Variants in ATAD2 observed in about 807,000 individuals in gnomAD.
The protein encoded by ATAD2 is ATPase family AAA domain containing 2, also known as ATPase family AAA domain-containing protein 2.
ATAD2 carries 62 observed loss-of-function variants against 168.9 expected under a neutral mutation model. The ratio of observed to expected loss-of-function variants is 0.37; its 90% CI spans 0.30 to 0.45. The LOEUF (loss-of-function observed/expected upper bound fraction) is 0.45, where lower values mean the gene tolerates loss of function less well. Among genes scored for constraint, ATAD2 ranks in the 20% least tolerant of loss-of-function variants. The pLI is 1.00. For missense variants in ATAD2, 1,419 were observed against 1,667.8 expected (o/e 0.85, Z 2.60); for synonymous variants, 613 against 571.6 (o/e 1.07, Z -1.03).
At chr8:123,398,208 T>G (rs921728881), upstream of ATAD2, among the ~76,000 whole-genome samples, 2 of 151,820 alleles carry the variant, frequency 1.3e-5, no homozygotes, top group African/African-American at 2.4e-5. Context: ...TGCTTTTTTT[T>G]TGAGAGAGGT....
At chr8:123,398,848 T>C (rs1004556452), upstream of ATAD2, among the ~76,000 whole-genome samples, 3 of 152,052 alleles carry the variant, frequency 2.0e-5, no homozygotes, top group African/African-American at 4.8e-5. Context: ...ACTTTTACAA[T>C]AGAAAAAAAC....
rs1300859968 is a variant in ATAD2 at position 123,329,538 on chromosome 8, G to A, written c.3479-959C>T. Among the ~76,000 whole-genome samples the A allele has an allele frequency of 5.9e-5, 9 of 151,964 alleles. 1 individual carries two copies. The highest frequency in any genetic ancestry group is 3.9e-4 in the East Asian group (2 of 5,160). ...AGCACTTTGGGAGGCTGAGGCGGGC[G>A]GATCACGAGGTCAGGTGATCGAGAC... On this transcript the variant is annotated intron_variant, in intron 24 of 27. Transcript: ENST00000287394.
chr8:123,343,087 C>T (rs1261040600), intron 19 of ATAD2, among the ~76,000 whole-genome samples: 8 of 151,724 alleles, frequency 5.3e-5, no homozygotes, highest in East Asian at 1.9e-4. Context: ...CGGGTTCAAG[C>T]GATTCTCCCA....
chr8:123,405,925 A>G (rs1813063077), intron 1 of ATAD2, among the ~76,000 whole-genome samples: 2 of 152,236 alleles, frequency 1.3e-5, no homozygotes, highest in South Asian at 4.1e-4. Context: ...TAGGTCAAAA[A>G]CTATGTACAA....
At position 123,337,800 on chromosome 8, in the gene ATAD2, A is replaced by T; in HGVS notation, c.2876T>A (p.Leu959His). The change falls in exon 21 of 28, where the codon CTC (leucine) becomes CAC (histidine). Residue 959 changes from leucine to histidine, a missense_variant. Around this residue, in one of 5 missense-constraint regions of ATAD2, gnomAD observed 545 missense variants for 724.9 expected, o/e 0.75. Coordinates refer to ENST00000287394, the MANE Select transcript of ATAD2 (RefSeq NM_014109.4). ...TGGCTCAGGTGGTGGTGCTACTGGGAGTACCTCCAAAGCCTGCAAAACTTC... is the reference window on the plus strand; with the variant it reads ...TGGCTCAGGTGGTGGTGCTACTGGGTGTACCTCCAAAGCCTGCAAAACTTC... ...KKAVLQALEV[L>H]PVAPPPEPRS... 6.2e-7 allele frequency: 1 copy of T among 1,608,150 alleles called. No individual in the cohort carries two copies. Among genetic ancestry groups the T allele is most frequent in the Non-Finnish European group, 8.5e-7 (1 of 1,177,646 alleles).
At chr8:123,339,545 A>G (rs1828009463) in intron 19 of ATAD2, 99 bp from the exon 20 acceptor site, 3 of 1,131,418 alleles carry the variant, frequency 2.7e-6, no homozygotes, top group Non-Finnish European at 3.8e-6. Flanking sequence ...AGCAGCATGA[A>G]AGTGACATGT....
intron 19 of ATAD2, 88 bp from the exon 20 acceptor site, chr8:123,339,534 C>G: frequency 7.9e-7 from 1 of 1,258,284 alleles, no homozygotes; most frequent in Non-Finnish European, 1.1e-6. Context: ...TTAGACTTTA[C>G]AGCAGCATGA....
intron 11 of ATAD2, among the ~76,000 whole-genome samples, chr8:123,357,991 T>C (rs1363543161): frequency 6.6e-6 from 1 of 152,218 alleles, no homozygotes; most frequent in Non-Finnish European, 1.5e-5. Flanking sequence ...ATGTTCATCA[T>C]ATTATCTTAC....
At position 123,371,754 on chromosome 8, in the gene ATAD2, T is replaced by G; in HGVS notation, c.452A>C (p.Asp151Ala). The G allele has an allele frequency of 1.1e-5, 18 of 1,613,702 alleles. No homozygotes were observed. Among genetic ancestry groups the G allele is most frequent in the Non-Finnish European group, 1.5e-5 (18 of 1,179,802 alleles). The part of the protein sequence containing the change: ...STEHLHEDNG[D>A]VEVRRSCRIR... ...CCTACAACTTCGACGCACTTCAACA[T>G]CACCATTATCTTCATGTAAGTGTTC... The change falls in exon 4 of 28, where the codon GAT (aspartate) becomes GCT (alanine). Residue 151 changes from aspartate (D) to alanine (A), a missense_variant. Asp to Ala is a moderately radical substitution (Grantham distance 126). Transcript: ENST00000287394.
intron 6 of ATAD2, among the ~76,000 whole-genome samples, chr8:123,370,680 C>T (rs1268543545): frequency 6.6e-6 from 1 of 152,042 alleles, no homozygotes; most frequent in Non-Finnish European, 1.5e-5. Context: ...ATTACATAAG[C>T]AGACCAATAT....
chr8:123,360,695 T>C (rs1233632026), intron 9 of ATAD2, among the ~76,000 whole-genome samples: 1 of 151,872 alleles, frequency 6.6e-6, no homozygotes, highest in Admixed American at 6.6e-5. Context: ...CTCAGTGACA[T>C]AGTGAGAACC....
intron 2 of ATAD2, among the ~76,000 whole-genome samples, chr8:123,378,701 C>CAAAAAAAAAAAAA (rs71808201): frequency 2.1e-4 from 15 of 73,036 alleles, no homozygotes; most frequent in African/African-American, 8.2e-4. Context: ...GACTGTGTCT[C>CAAAAAAAAAAAAA]AAAAAAAAAA....
chr8:123,326,066 A>T (rs931536918), intron 25 of ATAD2, 40 bp from the exon 26 acceptor site: 2 of 1,593,170 alleles, frequency 1.3e-6, no homozygotes, highest in African/African-American at 2.7e-5. Context: ...TGGTCCATAG[A>T]TATTATGATG....
At chr8:123,363,669 C>G (rs924559788) in intron 8 of ATAD2, among the ~76,000 whole-genome samples, 1 of 152,268 alleles carries the variant, frequency 6.6e-6, no homozygotes, top group South Asian at 2.1e-4. Flanking sequence ...AATGTATTCA[C>G]ATAATTTTAT....
rs1216676363 is a variant in ATAD2 at position 123,328,705 on chromosome 8, T to C, written c.3479-126A>G. Reference sequence around the variant, plus strand: ...ACCACAGTATTTTGTATGATTAAAATACAGAAACAAGAATAGAGCATACTG... The same window carrying C: ...ACCACAGTATTTTGTATGATTAAAACACAGAAACAAGAATAGAGCATACTG... On this transcript the variant is annotated intron_variant, in intron 24 of 27. Coordinates refer to ENST00000287394, the MANE Select transcript of ATAD2 (RefSeq NM_014109.4). 3 of 1,014,998 alleles carry C rather than the reference T, an allele frequency of 3.0e-6. No homozygotes were observed. The African/African-American group carries it at 5.0e-5, about 17-fold the overall frequency. 62.9% of individuals were successfully genotyped at this position (1,014,998 alleles called of 1,614,324 possible). A position where few individuals can be genotyped will look rare whatever the true frequency, so the allele number is the denominator to read the frequency against.
In ATAD2 at chr8:123,374,130, C is replaced by T. The variant is rs559692084; in HGVS notation, c.321-1444G>A. 2.4e-4 allele frequency among the ~76,000 whole-genome samples: 36 copies of T among 152,198 alleles called. 1 individual carries two copies. The South Asian group carries it at 7.3e-3, about 31-fold the overall frequency. ...CTGTAATCCCAGCACTTTGGGAGGC[C>T]AAGAGTTCAAGACCAGCCTGGCCAA... is the stretch of plus-strand genomic sequence containing the variant. On this transcript the variant is annotated intron_variant, in intron 2 of 27. Coordinates refer to ENST00000287394, the MANE Select transcript of ATAD2 (RefSeq NM_014109.4).
At position 123,402,492 on chromosome 8, in the gene ATAD2, C is replaced by G. The variant is rs1207502622; in HGVS notation, c.-2281-1317G>C. ...CCCAGGAAATGGTGCTCTCCTGGCC[C>G]TGCCTCTGGCCTACTGCCCCCTCAG... is the stretch of plus-strand genomic sequence containing the variant. On this transcript the variant is annotated intron_variant, in intron 1 of 28. Transcript: ENST00000521903. This position sits in a 1 kb window ranked among gnomAD's most constrained non-coding sequence, Gnocchi z 4.8. 6.6e-6 allele frequency among the ~76,000 whole-genome samples: 1 copy of G among 152,184 alleles called. No homozygotes were observed. The highest frequency in any genetic ancestry group is 2.1e-4 in the South Asian group (1 of 4,834).
intron 12 of ATAD2, 102 bp from the exon 13 acceptor site, chr8:123,356,579 A>G (rs1182955439): frequency 1.5e-6 from 1 of 680,454 alleles, no homozygotes; most frequent in Non-Finnish European, 2.3e-6. Context: ...TATGCTTAAC[A>G]GAATTTATAA....
intron 9 of ATAD2, among the ~76,000 whole-genome samples, chr8:123,360,828 A>G (rs1828792152): frequency 6.6e-6 from 1 of 152,146 alleles, no homozygotes; most frequent in Non-Finnish European, 1.5e-5. Flanking sequence ...TTATTGGGAA[A>G]ATCAAATAAG....
Sources: allele counts gnomAD v4.1 joint callset (sites outside exome capture counted in the v4.1 genomes callset), GRCh38; gene constraint gnomAD v4.1.1; regional missense constraint gnomAD v4.1.1; non-coding constraint Gnocchi (gnomAD v3.1); transcripts MANE v1.5; gene names NCBI Gene and HGNC (gene_info 2026-07-23, HGNC 2026-07-21).